BCAT1: variants seen among roughly 807,000 people sequenced by gnomAD.
BCAT1 encodes branched-chain-amino-acid aminotransferase, cytosolic.
Under a neutral mutation model 52.4 loss-of-function variants are expected in BCAT1, and 48 were observed. That is an observed-to-expected ratio of 0.92 (90% CI 0.73 to 1.16). The LOEUF (loss-of-function observed/expected upper bound fraction) is 1.16, where lower values mean the gene tolerates loss of function less well. Among genes scored for constraint, BCAT1 ranks in the 50% most tolerant of loss-of-function variants. The probability of loss-of-function intolerance (pLI) is 0.00; values close to 1 mark genes in which losing one functional copy is unlikely to be tolerated. For synonymous variants in BCAT1, 167 were observed against 161.3 expected, an observed-to-expected ratio of 1.04 and a Z score of -0.27; for missense variants, 451 against 457.1, an observed-to-expected ratio of 0.99 and a Z score of 0.12.
intron 4 of BCAT1, among the ~76,000 whole-genome samples, chr12:24,879,815 G>A (rs1942444149): frequency 6.6e-6 from 1 of 152,130 alleles, no homozygotes; most frequent in South Asian, 2.1e-4. Context: ...CTAATAAACT[G>A]TACAACAAAT....
At chr12:24,949,129 G>C (rs1221122598), upstream of BCAT1, 1 of 593,534 alleles carries the variant, frequency 1.7e-6, no homozygotes, top group Non-Finnish European at 3.0e-6. Flanking sequence ...GCGGAGACTC[G>C]CGACCTAGCG....
At chr12:24,865,241 CTT>C (rs756576922) in intron 5 of BCAT1, among the ~76,000 whole-genome samples, 3 of 152,186 alleles carry the variant, frequency 2.0e-5, no homozygotes, top group Non-Finnish European at 4.4e-5. Context: ...TGTTTTAACT[CTT>C]TATTCTACCC....
intron 6 of BCAT1, among the ~76,000 whole-genome samples, chr12:24,843,545 G>T (rs890905146): frequency 2.6e-5 from 4 of 152,284 alleles, no homozygotes; most frequent in African/African-American, 9.6e-5. Flanking sequence ...AAAAGTTGCA[G>T]TGAGCCAAGA....
At position 24,826,328 on chromosome 12, in the gene BCAT1, C is replaced by T. The variant is rs76832341; in HGVS notation, c.1119+3495G>A. Among the ~76,000 whole-genome samples, 102 of 152,286 alleles carry T rather than the reference C, an allele frequency of 6.7e-4. No individual in the cohort carries two copies. In the East Asian group the frequency reaches 6.9e-3, roughly 10 times the overall value. ...TGATTTCTGTGTATGGTAAGAGAAG[C>T]GAATCTAGTTTCATTCTTCTGCATA... is the stretch of plus-strand genomic sequence containing the variant. On this transcript the variant is annotated intron_variant, in intron 10 of 10. Transcript: ENST00000261192.
intron 1 of BCAT1, among the ~76,000 whole-genome samples, chr12:24,926,370 G>A (rs945640718): frequency 7.9e-5 from 12 of 151,776 alleles, no homozygotes; most frequent in African/African-American, 2.2e-4. Flanking sequence ...CGCCCCGTCC[G>A]GGAGGGAGGT....
chr12:24,927,784 T>C (rs954293326), intron 1 of BCAT1, among the ~76,000 whole-genome samples: 1 of 152,226 alleles, frequency 6.6e-6, no homozygotes, highest in Non-Finnish European at 1.5e-5. Flanking sequence ...GATGCAAATC[T>C]ATATAACCAT....
chr12:24,880,531 C>T (rs904398115), intron 4 of BCAT1, among the ~76,000 whole-genome samples: 5 of 152,072 alleles, frequency 3.3e-5, no homozygotes, highest in Admixed American at 6.5e-5. Flanking sequence ...ATTCAATGGC[C>T]ATGAGAAACC....
chr12:24,907,161 T>C (rs1301402789), intron 1 of BCAT1, among the ~76,000 whole-genome samples: 2 of 152,192 alleles, frequency 1.3e-5, no homozygotes, highest in Non-Finnish European at 2.9e-5. Context: ...TCAGGCCTTC[T>C]CACAGGTGCC....
chr12:24,943,647 C>G (rs974108678), intron 1 of BCAT1, among the ~76,000 whole-genome samples: 2 of 151,940 alleles, frequency 1.3e-5, no homozygotes, highest in Non-Finnish European at 2.9e-5. Flanking sequence ...TTAAGCAATT[C>G]TAGTAAGTTT....
chr12:24,824,270 C>CTTT (rs2139337099), intron 10 of BCAT1, among the ~76,000 whole-genome samples: 1 of 140,212 alleles, frequency 7.1e-6, no homozygotes, highest in African/African-American at 2.7e-5. Context: ...TTCCTTCATT[C>CTTT]CCTCCCTCCC....
intron 1 of BCAT1, among the ~76,000 whole-genome samples, chr12:24,915,886 A>G (rs187791456): frequency 3.3e-5 from 5 of 152,354 alleles, no homozygotes; most frequent in Admixed American, 3.3e-4. Context: ...GGCTGGGCAC[A>G]GTGGCTCACG....
In BCAT1 at chr12:24,856,809, C is replaced by A. The variant is rs151139616; in HGVS notation, c.511-6860G>T. 3.9e-5 allele frequency among the ~76,000 whole-genome samples: 6 copies of A among 152,304 alleles called. No homozygotes were observed. The South Asian group carries it at 1.2e-3, about 32-fold the overall frequency. On this transcript the variant is annotated intron_variant, in intron 5 of 10. Coordinates refer to ENST00000261192, the MANE Select transcript of BCAT1 (RefSeq NM_005504.7). ...TACAAATCTGGTCTTCAAGCTGGCC[C>A]GCAAACTGGTCAGTTACAAACTTTT...
At chr12:24,829,239 C>T (rs1940542740) in intron 10 of BCAT1, among the ~76,000 whole-genome samples, 1 of 151,860 alleles carries the variant, frequency 6.6e-6, no homozygotes, top group African/African-American at 2.4e-5. Context: ...CAAAAATTAG[C>T]TGGGCATGGT....
intron 3 of BCAT1, among the ~76,000 whole-genome samples, chr12:24,882,882 T>C (rs1942542599): frequency 6.6e-6 from 1 of 151,962 alleles, no homozygotes. Flanking sequence ...ATTACAGGCA[T>C]GAGCCACTGC....
chr12:24,943,834 A>C (rs536352763), intron 1 of BCAT1, among the ~76,000 whole-genome samples: 71 of 152,062 alleles, frequency 4.7e-4, no homozygotes, highest in African/African-American at 1.7e-3. Flanking sequence ...AATACAAAAA[A>C]TTAGCCGGGC....
intron 6 of BCAT1, among the ~76,000 whole-genome samples, chr12:24,843,779 C>T (rs1294909268): frequency 6.6e-6 from 1 of 152,060 alleles, no homozygotes; most frequent in Non-Finnish European, 1.5e-5. Flanking sequence ...TAGCATCTTG[C>T]CCTGCTGCAG....
intron 1 of BCAT1, chr12:24,903,223 G>A: frequency 1.1e-6 from 1 of 915,222 alleles, no homozygotes; most frequent in Non-Finnish European, 1.4e-6. Flanking sequence ...CGCTAAAACC[G>A]AAGCGGTTGT....
At position 24,812,248 on chromosome 12, in the gene BCAT1, A is replaced by G. The variant is rs1310834931; in HGVS notation, c.*5760T>C. On this transcript the variant is annotated 3_prime_UTR_variant, in exon 11 of 11. Transcript: ENST00000261192. ...TTGCACATTTTAGTTAAAAACTAAT[A>G]GTCAACCAATTTCCAATTCAGTAAA... The G allele has an allele frequency of 6.6e-6, 1 of 152,106 alleles. No individual in the cohort carries two copies. The highest frequency in any genetic ancestry group is 6.5e-5 in the Admixed American group (1 of 15,268). The allele number at this position is 152,106 out of a possible 1,614,324, so 9.4% of individuals were successfully genotyped here.
chr12:24,902,937 T>C, intron 1 of BCAT1: 1 of 1,505,948 alleles, frequency 6.6e-7, no homozygotes, highest in Middle Eastern at 1.7e-4. Context: ...AACGCCCGGG[T>C]TCGAGGTACC....
Sources: gnomAD v4.1 joint callset for allele counts (sites outside exome capture counted in the v4.1 genomes callset) on GRCh38, gnomAD v4.1.1 for gene constraint, MANE v1.5 for transcripts, NCBI Gene and HGNC (gene_info 2026-07-23, HGNC 2026-07-21) for gene names.